The following PCDHA12 variants were observed in gnomAD, a reference collection of about 807,000 sequenced individuals.
PCDHA12 encodes the protein protocadherin alpha 12, also known as protocadherin alpha-12.
Under a neutral mutation model 60.0 loss-of-function variants are expected in PCDHA12, and 44 were observed. The observed-to-expected ratio is 0.73, with a 90% CI of 0.58 to 0.94. The LOEUF (loss-of-function observed/expected upper bound fraction) is 0.94. Among genes scored for constraint, PCDHA12 ranks in the 40% least tolerant of loss-of-function variants. PCDHA12 has a pLI of 0.00. For missense variants in PCDHA12, 1,276 were observed against 1,239.7 expected, an observed-to-expected ratio of 1.03 and a Z score of -0.44; for synonymous variants, 569 against 553.0, an observed-to-expected ratio of 1.03 and a Z score of -0.40.
chr5:140,990,649 T>A (rs1465284882), intron 3 of PCDHA12, among the ~76,000 whole-genome samples: 1 of 152,330 alleles, frequency 6.6e-6, no homozygotes, highest in South Asian at 2.1e-4. Context: ...TCAGCCAGTA[T>A]GAATGATTTA....
chr5:140,875,395 GT>G lies in PCDHA12; in HGVS notation c.-77del. 1 of 1,478,260 alleles carries G rather than the reference GT, an allele frequency of 6.8e-7. No individual in the cohort carries two copies. The highest frequency in any genetic ancestry group is 1.4e-5 in the African/African-American group (1 of 70,652). The allele number at this position is 1,478,260 out of a possible 1,614,324, so 91.6% of individuals were successfully genotyped here. A position where few individuals can be genotyped will look rare whatever the true frequency, so the allele number is the denominator to read the frequency against. ...ACTAAATATGTACTTACAGAAAAGG[GT>G]GACTGCTCATAAAATACCTCAGGCA... On this transcript the variant is annotated 5_prime_UTR_variant, in exon 1 of 4. An upstream open reading frame in the 5' UTR gains an earlier in-frame stop. Coordinates refer to ENST00000398631, the MANE Select transcript of PCDHA12 (RefSeq NM_018903.4).
Position 141,009,823 on chromosome 5 carries a change from C to T in PCDHA12, c.2712C>T (p.Phe904=), listed in dbSNP as rs2098414711. Residue 904 remains phenylalanine, a synonymous_variant, in exon 4 of 4, where the codon TTC becomes TTT. Transcript: ENST00000398631. The part of the protein sequence containing the change: ...PTNSQIDKSD[F]ITFGKKEETK... ...ACAGCCAAATTGACAAAAGTGACTTCATAACCTTCGGCAAAAAGGAGGAGA... is the reference window on the plus strand; with the variant it reads ...ACAGCCAAATTGACAAAAGTGACTTTATAACCTTCGGCAAAAAGGAGGAGA... 4 of 1,614,030 alleles carry T rather than the reference C, an allele frequency of 2.5e-6. No individual in the cohort carries two copies. The highest frequency in any genetic ancestry group is 3.4e-6 in the Non-Finnish European group (4 of 1,180,010).
At chr5:141,006,299 C>T (rs2098266808) in intron 3 of PCDHA12, among the ~76,000 whole-genome samples, 1 of 152,064 alleles carries the variant, frequency 6.6e-6, no homozygotes, top group Non-Finnish European at 1.5e-5. Flanking sequence ...GCAAGCTCCA[C>T]TTCCCGGGTT....
At chr5:140,930,711 C>G (rs10214249) in intron 1 of PCDHA12, among the ~76,000 whole-genome samples, 2,020 of 152,280 alleles carry the variant, frequency 0.013, 38 homozygotes, top group African/African-American at 0.046. Flanking sequence ...TATTCTTCCT[C>G]AAGTAATGAT....
intron 1 of PCDHA12, among the ~76,000 whole-genome samples, chr5:140,945,113 T>C (rs1359604882): frequency 2.6e-5 from 4 of 152,084 alleles, no homozygotes; most frequent in African/African-American, 4.8e-5. Flanking sequence ...AGTTGAAAGA[T>C]AAAAAATCAA....
intron 3 of PCDHA12, among the ~76,000 whole-genome samples, chr5:140,991,620 T>C (rs2097462467): frequency 6.6e-6 from 1 of 152,212 alleles, no homozygotes; most frequent in Non-Finnish European, 1.5e-5. Flanking sequence ...TTTAATGCCA[T>C]ATTTGTAATA....
chr5:141,005,164 G>T (rs782398186), intron 3 of PCDHA12, among the ~76,000 whole-genome samples: 1 of 152,178 alleles, frequency 6.6e-6, no homozygotes, highest in Non-Finnish European at 1.5e-5. Context: ...TAAAGAGTGG[G>T]TACCACTTTC....
intron 1 of PCDHA12, among the ~76,000 whole-genome samples, chr5:140,938,453 G>A (rs558258483): frequency 6.6e-6 from 1 of 151,990 alleles, no homozygotes; most frequent in African/African-American, 2.4e-5. Context: ...AGTTCCCTTT[G>A]TTTTTTAATT....
At chr5:140,920,855 A>AC (rs1163764054) in intron 1 of PCDHA12, among the ~76,000 whole-genome samples, 5 of 151,976 alleles carry the variant, frequency 3.3e-5, no homozygotes, top group African/African-American at 4.8e-5. Context: ...AAAAAAAAAA[A>AC]AAACAAACAA....
chr5:140,981,888 G>A (rs1554243508), intron 2 of PCDHA12, among the ~76,000 whole-genome samples: 1 of 152,140 alleles, frequency 6.6e-6, no homozygotes, highest in Non-Finnish European at 1.5e-5. Flanking sequence ...AATCTCTTCT[G>A]AGCGGGGATC....
At position 140,875,445 on chromosome 5, in the gene PCDHA12, C is replaced by G; in HGVS notation, c.-28C>G. The G allele has an allele frequency of 2.5e-6, 4 of 1,582,278 alleles. No individual in the cohort carries two copies. The South Asian group carries it at 3.5e-5, about 14-fold the overall frequency. On this transcript the variant is annotated 5_prime_UTR_variant, in exon 1 of 4. Transcript: ENST00000398631. Reference sequence around the variant, plus strand: ...CAAGCGATCCCTTAAAACTGATTGTCCCAACTCAGAGGCCCTCATTTTCTG... The same window carrying G: ...CAAGCGATCCCTTAAAACTGATTGTGCCAACTCAGAGGCCCTCATTTTCTG...
chr5:140,886,689 G>T (rs1267444522), intron 1 of PCDHA12, among the ~76,000 whole-genome samples: 1 of 152,022 alleles, frequency 6.6e-6, no homozygotes, highest in Admixed American at 6.5e-5. Context: ...AGCGAGGCAT[G>T]GTGGCACGCG....
intron 1 of PCDHA12, among the ~76,000 whole-genome samples, chr5:140,900,021 T>A (rs1423634160): frequency 1.3e-5 from 2 of 152,092 alleles, no homozygotes; most frequent in Non-Finnish European, 2.9e-5. Context: ...TGTTACCCAG[T>A]TTGGCCTTGA....
chr5:140,886,827 GAA>G (rs782016620), intron 1 of PCDHA12, among the ~76,000 whole-genome samples: 14 of 60,910 alleles, frequency 2.3e-4, no homozygotes, highest in Non-Finnish European at 3.3e-4. Context: ...ACTTCGTCTT[GAA>G]AAAAAAAAAA....
intron 1 of PCDHA12, among the ~76,000 whole-genome samples, chr5:140,953,290 A>G (rs1554220852): frequency 1.3e-5 from 2 of 152,124 alleles, no homozygotes; most frequent in Admixed American, 6.6e-5. Context: ...TATGTGATTC[A>G]GGGACGGCAG....
chr5:140,946,609 G>GAA, intron 1 of PCDHA12, among the ~76,000 whole-genome samples: 1 of 68,674 alleles, frequency 1.5e-5, no homozygotes, highest in Non-Finnish European at 2.7e-5. Flanking sequence ...AAGAAAATGT[G>GAA]AAATATATAT....
rs377370256 is a variant in PCDHA12 at position 140,966,811 on chromosome 5, G to A, written c.2368-12138G>A. On this transcript the variant is annotated intron_variant, in intron 1 of 3. Transcript: ENST00000398631. ...GACCTGCGGCGACAGAGCATCCACGGCTCCGGCGGCCCATGCCCTGGCTGC... is the reference window on the plus strand; with the variant it reads ...GACCTGCGGCGACAGAGCATCCACGACTCCGGCGGCCCATGCCCTGGCTGC... The A allele has an allele frequency of 1.4e-5, 21 of 1,549,722 alleles. No individual in the cohort carries two copies. The African/African-American group carries it at 2.6e-4, about 19-fold the overall frequency.
intron 1 of PCDHA12, among the ~76,000 whole-genome samples, chr5:140,953,512 C>G (rs2094896275): frequency 6.6e-6 from 1 of 152,106 alleles, no homozygotes; most frequent in Non-Finnish European, 1.5e-5. Context: ...TAGGCCAAAG[C>G]AACAAAAACG....
At chr5:140,936,833 A>G (rs186890408) in intron 1 of PCDHA12, among the ~76,000 whole-genome samples, 1 of 152,276 alleles carries the variant, frequency 6.6e-6, no homozygotes, top group East Asian at 1.9e-4. Context: ...GCATTTCTAT[A>G]TAAATTGTAG....
Sources: gnomAD v4.1 joint callset for allele counts (sites outside exome capture counted in the v4.1 genomes callset) on GRCh38, gnomAD v4.1.1 for gene constraint, MANE v1.5 for transcripts, NCBI Gene and HGNC (gene_info 2026-07-23, HGNC 2026-07-21) for gene names.